Variants in KIF27 observed in about 807,000 individuals in gnomAD.
KIF27 encodes the protein kinesin family member 27.
Under a neutral mutation model 141.8 loss-of-function variants are expected in KIF27, and 84 were observed. The observed-to-expected ratio is 0.59, with a 90% CI of 0.50 to 0.71. The LOEUF (loss-of-function observed/expected upper bound fraction) is 0.71. Among genes scored for constraint, KIF27 ranks in the 30% least tolerant of loss-of-function variants. The pLI, the probability that KIF27 is intolerant of heterozygous loss-of-function variation, is 0.00. For missense variants in KIF27, 1,306 were observed against 1,628.4 expected, an observed-to-expected ratio of 0.80 and a Z score of 3.41; for synonymous variants, 471 against 569.5, an observed-to-expected ratio of 0.83 and a Z score of 2.46.
At chr9:83,852,877 T>G (rs1223191356) in intron 15 of KIF27, among the ~76,000 whole-genome samples, 1 of 152,190 alleles carries the variant, frequency 6.6e-6, no homozygotes, top group African/African-American at 2.4e-5. Context: ...AGTGCTGGGA[T>G]TACAGGCATG....
chr9:83,845,528 C>T (rs35122389), intron 16 of KIF27, among the ~76,000 whole-genome samples: 1 of 152,162 alleles, frequency 6.6e-6, no homozygotes, highest in Non-Finnish European at 1.5e-5. Context: ...CTATGATCAG[C>T]TGACAGGGGA....
At chr9:83,859,018 G>A in intron 14 of KIF27, 138 bp downstream of exon 14, 1 of 688,220 alleles carries the variant, frequency 1.5e-6, no homozygotes, top group Non-Finnish European at 2.6e-6. Context: ...ATAAGTGCCA[G>A]GTGAACTCAC....
chr9:83,903,406 T>G lies in KIF27; in HGVS notation c.1112A>C (p.Gln371Pro). The G allele has an allele frequency of 6.2e-7, 1 of 1,614,048 alleles. No individual in the cohort carries two copies. Residue 371 changes from glutamine (Q) to proline (P), a missense_variant, in exon 4 of 18, where the codon CAA becomes CCA. Physicochemically the swap from Gln to Pro is moderately conservative, Grantham distance 76 (BLOSUM62 -1). Transcript: ENST00000297814. The part of the protein sequence containing the change: ...FEIKLLREAL[Q>P]SQQAGVSQTT... ...TTGGCTGACACCAGCCTGCTGGCTTTGCAAAGCTTCTCGAAGCAATTTAAT... is the reference window on the plus strand; with the variant it reads ...TTGGCTGACACCAGCCTGCTGGCTTGGCAAAGCTTCTCGAAGCAATTTAAT...
intron 13 of KIF27, among the ~76,000 whole-genome samples, chr9:83,866,395 T>C (rs1213028659): frequency 6.6e-6 from 1 of 152,236 alleles, no homozygotes; most frequent in East Asian, 1.9e-4. Context: ...TCTAGGTACT[T>C]GGAATGCAGC....
intron 13 of KIF27, among the ~76,000 whole-genome samples, chr9:83,865,425 T>C (rs1950277604): frequency 6.6e-6 from 1 of 152,106 alleles, no homozygotes; most frequent in Non-Finnish European, 1.5e-5. Context: ...AGCTCCCAAG[T>C]ACCTGGGATT....
Position 83,859,398 on chromosome 9 carries a change from T to C in KIF27, c.2935-27A>G, listed in dbSNP as rs564131902. On this transcript the variant is annotated intron_variant, in intron 13 of 17. Transcript: ENST00000297814. The stretch of plus-strand genomic sequence containing the variant: ...TAAAAGATACAACCCACCAGCCACC[T>C]CAAAAACAGTTACTAGAAATCTAGA... 3,280 of 1,506,342 alleles carry C rather than the reference T, an allele frequency of 2.2e-3. 40 individuals are homozygous for C. In the African/African-American group the frequency reaches 0.03, roughly 14 times the overall value. The allele number at this position is 1,506,342 out of a possible 1,614,324, so 93.3% of individuals were successfully genotyped here. A position where few individuals can be genotyped will look rare whatever the true frequency, so the allele number is the denominator to read the frequency against.
intron 2 of KIF27, 86 bp from the exon 3 acceptor site, chr9:83,908,738 T>C (rs1414368093): frequency 1.3e-5 from 10 of 765,808 alleles, no homozygotes; most frequent in Admixed American, 8.5e-5. Context: ...TTTATTTTAC[T>C]ACATTTCTAT....
intron 5 of KIF27, among the ~76,000 whole-genome samples, chr9:83,892,864 T>C (rs1340217468): frequency 1.3e-5 from 2 of 152,218 alleles, no homozygotes; most frequent in Non-Finnish European, 2.9e-5. Context: ...TCTACATTTG[T>C]GTCCACTTAA....
intron 2 of KIF27, among the ~76,000 whole-genome samples, chr9:83,913,500 C>T (rs867299729): frequency 6.6e-6 from 1 of 152,014 alleles, no homozygotes; most frequent in Admixed American, 6.6e-5. Flanking sequence ...TGCAGTGGCA[C>T]GATCTTGGCT....
intron 2 of KIF27, among the ~76,000 whole-genome samples, chr9:83,913,830 A>C (rs1425451801): frequency 1.3e-5 from 2 of 152,218 alleles, no homozygotes; most frequent in African/African-American, 4.8e-5. Context: ...AAAAAACCAC[A>C]CAAGTGAGTA....
intron 16 of KIF27, among the ~76,000 whole-genome samples, chr9:83,847,342 C>G (rs1399311157): frequency 6.6e-6 from 1 of 152,058 alleles, no homozygotes; most frequent in Non-Finnish European, 1.5e-5. Context: ...TTTCCTTTTT[C>G]CTTTATCATG....
chr9:83,866,951 C>G (rs1588083465), intron 13 of KIF27, among the ~76,000 whole-genome samples: 1 of 147,576 alleles, frequency 6.8e-6, no homozygotes, highest in South Asian at 2.2e-4. Context: ...TTTATTCACC[C>G]CCCCCCCAAA....
At chr9:83,862,451 G>GT (rs1253451921) in intron 13 of KIF27, among the ~76,000 whole-genome samples, 1 of 152,048 alleles carries the variant, frequency 6.6e-6, no homozygotes, top group Non-Finnish European at 1.5e-5. Context: ...CCCATTTCTT[G>GT]TTTTGTCAGG....
intron 2 of KIF27, among the ~76,000 whole-genome samples, chr9:83,913,886 G>A (rs187996211): frequency 3.2e-4 from 48 of 152,226 alleles, no homozygotes; most frequent in Middle Eastern, 3.4e-3. Context: ...GCTGTCACTT[G>A]TTTCATTTCT....
chr9:83,888,635 C>G, intron 7 of KIF27, 43 bp from the exon 8 acceptor site: 1 of 1,113,532 alleles, frequency 9.0e-7, no homozygotes, highest in South Asian at 1.5e-5. Context: ...TTCGTGTTTT[C>G]TAATCTGCCC....
chr9:83,859,117 A>G (rs371775428), intron 14 of KIF27, 39 bp downstream of exon 14: 4 of 1,270,454 alleles, frequency 3.1e-6, no homozygotes, highest in Non-Finnish European at 4.6e-6. Context: ...CAAGTGATCC[A>G]TCATACAGCA....
intron 2 of KIF27, among the ~76,000 whole-genome samples, chr9:83,914,167 T>C (rs1330117496): frequency 2.0e-5 from 3 of 146,808 alleles, no homozygotes; most frequent in Non-Finnish European, 4.5e-5. Context: ...CCTATTGGTA[T>C]AAAGCACATA....
At chr9:83,920,471 C>T (rs1466125824) in intron 1 of KIF27, among the ~76,000 whole-genome samples, 2 of 152,174 alleles carry the variant, frequency 1.3e-5, no homozygotes, top group African/African-American at 4.8e-5. Flanking sequence ...TATTGAATCC[C>T]TCATGTCATG....
Position 83,908,531 on chromosome 9 carries a change from C to A in KIF27, c.420G>T (p.Lys140Asn). 1 of 1,610,046 alleles carries A rather than the reference C, an allele frequency of 6.2e-7. No homozygotes were observed. The highest frequency in any genetic ancestry group is 2.2e-5 in the East Asian group (1 of 44,792). ...NVKVSYIEVYKEDLRDLLELE... is the reference protein window; with the variant it reads ...NVKVSYIEVYNEDLRDLLELE... Reference sequence around the variant, plus strand: ...ATTCTAGAAGATCTCTTAGGTCTTCCTTGTACACTTCTATATAAGATACTT... The same window carrying A: ...ATTCTAGAAGATCTCTTAGGTCTTCATTGTACACTTCTATATAAGATACTT... Residue 140 changes from lysine (K) to asparagine (N), a missense_variant, in exon 3 of 18, where the codon AAG (lysine) becomes AAT (asparagine). By Grantham distance (94) the Lys-to-Asn change is moderately conservative. Transcript: ENST00000297814.
Sources: gnomAD v4.1 joint callset for allele counts (sites outside exome capture counted in the v4.1 genomes callset) on GRCh38, gnomAD v4.1.1 for gene constraint, MANE v1.5 for transcripts, NCBI Gene and HGNC (gene_info 2026-07-23, HGNC 2026-07-21) for gene names.